DNAH10: variants seen among roughly 807,000 people sequenced by gnomAD.
DNAH10 encodes the protein dynein axonemal heavy chain 10, also known as axonemal beta dynein heavy chain 10.
Under a neutral mutation model 506.6 loss-of-function variants are expected in DNAH10, and 348 were observed. The observed-to-expected ratio is 0.69, with a 90% CI of 0.63 to 0.75. DNAH10 has a LOEUF of 0.75. Among genes scored for constraint, DNAH10 ranks in the 30% least tolerant of loss-of-function variants. The probability of loss-of-function intolerance (pLI) is 0.00; values close to 1 mark genes in which losing one functional copy is unlikely to be tolerated. For missense variants in DNAH10, 5,179 were observed against 5,787.1 expected (o/e 0.89, Z 3.41); for synonymous variants, 2,059 against 2,198.6 (o/e 0.94, Z 1.78).
chr12:123,912,589 A>G lies in DNAH10; in HGVS notation c.10135-509A>G, dbSNP rs953262600. Among the ~76,000 whole-genome samples, 3 of 152,092 alleles carry G rather than the reference A, an allele frequency of 2.0e-5. No homozygotes were observed. The East Asian group carries it at 5.8e-4, about 29-fold the overall frequency. On this transcript the variant is annotated intron_variant, in intron 59 of 78. Coordinates refer to ENST00000673944, the MANE Select transcript of DNAH10 (RefSeq NM_001372106.1). ...ACCCTCCCTCCAAGCTGTGACATCC[A>G]GAAATGTCTCCAGACAGTACCAAAC... is the stretch of plus-strand genomic sequence containing the variant.
At position 123,762,739 on chromosome 12, in the gene DNAH10, T is replaced by C. The variant is rs1280575292; in HGVS notation, c.214+189T>C. Among the ~76,000 whole-genome samples, 1 of 152,206 alleles carries C rather than the reference T, an allele frequency of 6.6e-6. No homozygotes were observed. The highest frequency in any genetic ancestry group is 1.5e-5 in the Non-Finnish European group (1 of 68,020). On this transcript the variant is annotated intron_variant, in intron 1 of 78. Coordinates refer to ENST00000673944, the MANE Select transcript of DNAH10 (RefSeq NM_001372106.1). The surrounding 1 kb of genome is among the most constrained non-coding windows in gnomAD (Gnocchi z 5.0). The stretch of plus-strand genomic sequence containing the variant: ...GCAATCACAGCCGTCCCTGCCCTCC[T>C]GGGCCCACAGCCCACTTGAAAGTCA...
In DNAH10 at chr12:123,842,152, G is replaced by A. The variant is rs1005637071; in HGVS notation, c.5360+607G>A. On this transcript the variant is annotated intron_variant, in intron 30 of 78. Coordinates refer to ENST00000673944, the MANE Select transcript of DNAH10 (RefSeq NM_001372106.1). Reference sequence around the variant, plus strand: ...CCCTGCACCTGCCCATCAGAACTCTGGGGGTGGGGCCTGAGGATTTGTGTT... The same window carrying A: ...CCCTGCACCTGCCCATCAGAACTCTAGGGGTGGGGCCTGAGGATTTGTGTT... Among the ~76,000 whole-genome samples, 4 of 152,206 alleles carry A rather than the reference G, an allele frequency of 2.6e-5. No homozygotes were observed. The South Asian group carries it at 8.3e-4, about 32-fold the overall frequency.
chr12:123,765,577 T>TATC (rs778504300), intron 1 of DNAH10, among the ~76,000 whole-genome samples: 13 of 148,840 alleles, frequency 8.7e-5, no homozygotes, highest in Non-Finnish European at 1.5e-4. Context: ...TCTATCTATC[T>TATC]ATCTATCTAT....
rs762616908 is a variant in DNAH10 at position 123,800,339 on chromosome 12, G to A, written c.2413G>A (p.Val805Ile). Residue 805 changes from valine to isoleucine, a missense_variant, in exon 15 of 79, where the codon GTC becomes ATC. Physicochemically the swap from Val to Ile is conservative, Grantham distance 29 (BLOSUM62 3). Coordinates refer to ENST00000673944, the MANE Select transcript of DNAH10 (RefSeq NM_001372106.1). ...GTACTTAGAGCAGCTGGGGTTCACT[G>A]TCCCTGAATTAGCAAGAAATGTTGC... ...TKYLEQLGFT[V>I]PELARNVALQ... 1.9e-5 allele frequency: 30 copies of A among 1,613,982 alleles called. No homozygotes were observed. Among genetic ancestry groups the A allele is most frequent in the Non-Finnish European group, 2.5e-5 (29 of 1,180,030 alleles).
chr12:123,855,821 C>T (rs1308104590), intron 36 of DNAH10, among the ~76,000 whole-genome samples: 3 of 151,008 alleles, frequency 2.0e-5, no homozygotes, highest in Admixed American at 6.6e-5. Context: ...TCTCCTTGCA[C>T]GGCCCACCAG....
chr12:123,881,617 A>T lies in DNAH10; in HGVS notation c.8635-8A>T, dbSNP rs560972797. 68 of 1,499,712 alleles carry T rather than the reference A, an allele frequency of 4.5e-5. No individual in the cohort carries two copies. In the South Asian group the frequency reaches 6.6e-4, roughly 15 times the overall value. The allele number at this position is 1,499,712 out of a possible 1,614,324, so 92.9% of individuals were successfully genotyped here. A position where few individuals can be genotyped will look rare whatever the true frequency, so the allele number is the denominator to read the frequency against. ...GGTTTTGAATTCTTTTTTTTTTTTT[A>T]AATGCAGGAAATTCTTGAAGAGTAT... On this transcript the variant is annotated splice_region_variant and splice_polypyrimidine_tract_variant and intron_variant, in intron 50 of 78. Coordinates refer to ENST00000673944, the MANE Select transcript of DNAH10 (RefSeq NM_001372106.1).
At position 123,918,759 on chromosome 12, in the gene DNAH10, G is replaced by A. The variant is rs1954599131; in HGVS notation, c.11316G>A (p.Arg3772=). ...ATGGCTACCGGCCAGCAGCCAGGAG[G>A]GGGGCCATCCTGTTCTTCGTCCTGT... The part of the protein sequence containing the change: ...LRDGYRPAAR[R]GAILFFVLSE... The change falls in exon 65 of 79, where the codon AGG becomes AGA. Residue 3772 remains arginine (R), a synonymous_variant. Coordinates refer to ENST00000673944, the MANE Select transcript of DNAH10 (RefSeq NM_001372106.1). 1 of 1,608,988 alleles carries A rather than the reference G, an allele frequency of 6.2e-7. No individual in the cohort carries two copies. Among genetic ancestry groups the A allele is most frequent in the Non-Finnish European group, 8.5e-7 (1 of 1,176,126 alleles).
At chr12:123,819,349 A>G (rs974819955) in intron 23 of DNAH10, 99 bp downstream of exon 23, 1 of 831,256 alleles carries the variant, frequency 1.2e-6, no homozygotes, top group Non-Finnish European at 1.9e-6. Context: ...TGGTGCCGTG[A>G]TTAAAATATT....
chr12:123,933,925 C>G (rs77020228), intron 77 of DNAH10: 135,749 of 431,688 alleles, frequency 0.31, 22,303 homozygotes, highest in Middle Eastern at 0.43. Context: ...GCCAGAACTT[C>G]AGGTCCCTTA....
intron 15 of DNAH10, 90 bp downstream of exon 15, chr12:123,800,478 A>G (rs1565918771): frequency 2.0e-5 from 24 of 1,224,950 alleles, no homozygotes; most frequent in Non-Finnish European, 2.5e-5. Context: ...CCCCTCCAAA[A>G]GCTTTCATTT....
chr12:123,778,516 G>A (rs536579288), intron 5 of DNAH10, among the ~76,000 whole-genome samples: 71 of 152,032 alleles, frequency 4.7e-4, no homozygotes, highest in African/African-American at 1.6e-3. Flanking sequence ...TCAATATGGC[G>A]AAACCTCCAT....
chr12:123,863,527 T>C (rs1951687858), intron 39 of DNAH10, among the ~76,000 whole-genome samples: 1 of 152,222 alleles, frequency 6.6e-6, no homozygotes, highest in Non-Finnish European at 1.5e-5. Context: ...CCGAAGGCTC[T>C]AGGGCAAATC....
At chr12:123,924,232 G>A in intron 66 of DNAH10, 46 bp from the exon 67 acceptor site, 1 of 1,562,498 alleles carries the variant, frequency 6.4e-7, no homozygotes, top group Non-Finnish European at 8.7e-7. Context: ...TGCTTGCTTT[G>A]TGTTAGTGGT....
chr12:123,892,640 TC>T (rs1367210144), intron 52 of DNAH10, among the ~76,000 whole-genome samples: 1 of 152,218 alleles, frequency 6.6e-6, no homozygotes, highest in Admixed American at 6.5e-5. Flanking sequence ...CGTTAACTCT[TC>T]CCTGCACAGG....
chr12:123,873,102 A>G (rs1952101255), intron 45 of DNAH10, among the ~76,000 whole-genome samples: 1 of 152,214 alleles, frequency 6.6e-6, no homozygotes, highest in Admixed American at 6.5e-5. Flanking sequence ...AGCCAGCATG[A>G]TAGTGATTTA....
chr12:123,856,632 A>G (rs941802724), intron 36 of DNAH10, among the ~76,000 whole-genome samples: 8 of 150,576 alleles, frequency 5.3e-5, no homozygotes, highest in African/African-American at 1.9e-4. Flanking sequence ...GCACCCGGCC[A>G]TATATGTGTA....
chr12:123,790,400 C>T (rs1033745261), intron 11 of DNAH10, among the ~76,000 whole-genome samples: 8 of 152,152 alleles, frequency 5.3e-5, no homozygotes. Context: ...TATAAGTTCA[C>T]CTATCTAGGA....
At chr12:123,851,688 G>A (rs901972068) in intron 35 of DNAH10, among the ~76,000 whole-genome samples, 1 of 152,208 alleles carries the variant, frequency 6.6e-6, no homozygotes, top group Non-Finnish European at 1.5e-5. Flanking sequence ...TCTCTATGGC[G>A]TGTGCGTGTA....
At chr12:123,857,019 G>A in intron 36 of DNAH10, 37 bp from the exon 37 acceptor site, 1 of 1,568,366 alleles carries the variant, frequency 6.4e-7, no homozygotes, top group Non-Finnish European at 8.7e-7. Context: ...GGGTTCCTTT[G>A]GAAATCTCTT....
Sources: allele counts gnomAD v4.1 joint callset (sites outside exome capture counted in the v4.1 genomes callset), GRCh38; gene constraint gnomAD v4.1.1; non-coding constraint Gnocchi (gnomAD v3.1); transcripts MANE v1.5; gene names NCBI Gene and HGNC (gene_info 2026-07-23, HGNC 2026-07-21).